PCSK7: variants seen among roughly 807,000 people sequenced by gnomAD.
PCSK7 encodes lymphoma proprotein convertase.
A neutral mutation model predicts 73.3 loss-of-function variants in PCSK7; 38 were observed. That is an observed-to-expected ratio of 0.52 (90% CI 0.40 to 0.68). The LOEUF (loss-of-function observed/expected upper bound fraction) is 0.68. Ranked by LOEUF, PCSK7 falls within the 30% of genes least tolerant of loss-of-function variation. The pLI is 0.00. For synonymous variants in PCSK7, 296 were observed against 383.8 expected (o/e 0.77, Z 2.68); for missense variants, 692 against 991.5 (o/e 0.70, Z 4.06).
intron 5 of PCSK7, chr11:117,226,269 G>C: frequency 2.0e-6 from 1 of 497,832 alleles, no homozygotes; most frequent in South Asian, 2.3e-5. Context: ...CGAAGTAGCT[G>C]GGACTACAGG....
intron 9 of PCSK7, chr11:117,222,658 T>G (rs1393515214): frequency 1.3e-5 from 2 of 151,986 alleles, no homozygotes; most frequent in Non-Finnish European, 2.9e-5. Context: ...GTTTCTTTTT[T>G]TTTTTTGAGA....
chr11:117,226,333 A>G (rs941493646), intron 5 of PCSK7: 5 of 345,408 alleles, frequency 1.4e-5, no homozygotes, highest in Non-Finnish European at 2.2e-5. Context: ...ATGGGGTTTC[A>G]CCATATTGGT....
chr11:117,215,804 T>G (rs1245628774), intron 12 of PCSK7: 2 of 151,350 alleles, frequency 1.3e-5, no homozygotes, highest in African/African-American at 4.8e-5. Flanking sequence ...GCCCCTGCCC[T>G]TGGCCTCCCA....
chr11:117,210,471 G>C (rs2031678899), intron 12 of PCSK7: 1 of 150,656 alleles, frequency 6.6e-6, no homozygotes, highest in Non-Finnish European at 1.5e-5. Context: ...CGATTCTCCT[G>C]CCTCAGCTTC....
At position 117,204,676 on chromosome 11, in the gene PCSK7, C is replaced by A; in HGVS notation, c.*1321G>T. Reference sequence around the variant, plus strand: ...CTGGATGTGGGCCAAGTCCACTGTCCTCCTTGGCGGCAAAAGCCCATTGAA... The same window carrying A: ...CTGGATGTGGGCCAAGTCCACTGTCATCCTTGGCGGCAAAAGCCCATTGAA... On this transcript the variant is annotated 3_prime_UTR_variant, in exon 17 of 17. Coordinates refer to ENST00000320934, the MANE Select transcript of PCSK7 (RefSeq NM_004716.4). 2.3e-6 allele frequency: 1 copy of A among 443,388 alleles called. No homozygotes were observed. The allele number at this position is 443,388 out of a possible 1,614,324, so 27.5% of individuals were successfully genotyped here. A position where few individuals can be genotyped will look rare whatever the true frequency, so the allele number is the denominator to read the frequency against.
At chr11:117,224,615 G>A in intron 7 of PCSK7, 86 bp downstream of exon 7, 1 of 1,080,308 alleles carries the variant, frequency 9.3e-7, no homozygotes. Context: ...AGGTGGAGTG[G>A]GAAGATGGGT....
intron 1 of PCSK7, among the ~76,000 whole-genome samples, chr11:117,230,760 T>C (rs1259696204): frequency 1.3e-5 from 2 of 152,180 alleles, no homozygotes; most frequent in African/African-American, 2.4e-5. Context: ...AATAACGTCC[T>C]AGAAGTCCAG....
intron 12 of PCSK7, chr11:117,212,623 G>A (rs2031782034): frequency 6.6e-6 from 1 of 151,866 alleles, no homozygotes; most frequent in Non-Finnish European, 1.5e-5. Context: ...ATGTTGGTCA[G>A]GCTGGTCTCG....
rs114049647 is a variant in PCSK7 at position 117,231,536 on chromosome 11, G to A, written c.-133+491C>T. Among the ~76,000 whole-genome samples, 1,039 of 152,292 alleles carry A rather than the reference G, an allele frequency of 6.8e-3. 22 individuals carry two copies. Among genetic ancestry groups the A allele is most frequent in the African/African-American group, 0.023 (959 of 41,566 alleles). The stretch of plus-strand genomic sequence containing the variant: ...TCAGTAGATCCCACCACAGATGTCA[G>A]GAAGAAAGAGAAGCAGGAGCTCCTT... On this transcript the variant is annotated intron_variant, in intron 1 of 16. Coordinates refer to ENST00000320934, the MANE Select transcript of PCSK7 (RefSeq NM_004716.4).
In PCSK7 at chr11:117,223,954, A is replaced by G. The variant is rs2032307506; in HGVS notation, c.1054+124T>C. The G allele has an allele frequency of 2.9e-6, 3 of 1,023,568 alleles. No homozygotes were observed. In the South Asian group the frequency reaches 4.3e-5, roughly 15 times the overall value. 63.4% of individuals were successfully genotyped at this position (1,023,568 alleles called of 1,614,324 possible). ...GTCCTCTGCAAGCAGGGCTAGTCCT[A>G]TCTGAGCCCAAAGAGATTATTGTGC... On this transcript the variant is annotated intron_variant, in intron 8 of 16. Transcript: ENST00000320934.
At chr11:117,224,030 AC>A (rs1448752957) in intron 8 of PCSK7, 47 bp downstream of exon 8, 1 of 1,594,870 alleles carries the variant, frequency 6.3e-7, no homozygotes, top group African/African-American at 1.3e-5. Context: ...TGATGCCCTA[AC>A]CCTTCGGTGA....
In PCSK7 at chr11:117,228,241, G is replaced by A; in HGVS notation, c.578C>T (p.Thr193Ile). The change falls in exon 4 of 17, where the codon ACC becomes ATC. Residue 193 changes from threonine (T) to isoleucine (I), a missense_variant. Around this residue, in one of 6 missense-constraint regions of PCSK7, gnomAD observed 574 missense variants for 689.8 expected, o/e 0.83. Transcript: ENST00000320934. ...VVVVDDGVEH[T>I]IQDIAPNYSP... ...ATAGTTGGGTGCAATGTCCTGGATG[G>A]TGTGTTCCACTCCGTCATCCACTAC... 1 of 1,613,362 alleles carries A rather than the reference G, an allele frequency of 6.2e-7. No individual in the cohort carries two copies. Among genetic ancestry groups the A allele is most frequent in the Non-Finnish European group, 8.5e-7 (1 of 1,179,626 alleles).
chr11:117,227,341 G>T lies in PCSK7; in HGVS notation c.604-19C>A. 1 of 1,604,908 alleles carries T rather than the reference G, an allele frequency of 6.2e-7. No homozygotes were observed. The highest frequency in any genetic ancestry group is 2.2e-5 in the East Asian group (1 of 44,844). On this transcript the variant is annotated intron_variant, in intron 4 of 16. Coordinates refer to ENST00000320934, the MANE Select transcript of PCSK7 (RefSeq NM_004716.4). ...CAGGGCTCTGAAATATTTTGGAGGT[G>T]ACATGTGGTCATTCACTGGTTAGAG... is the stretch of plus-strand genomic sequence containing the variant.
At chr11:117,213,020 GTTTC>G (rs1250452125) in intron 12 of PCSK7, 1 of 152,306 alleles carries the variant, frequency 6.6e-6, no homozygotes, top group African/African-American at 2.4e-5. Context: ...CTGGCCACCA[GTTTC>G]TTTGAGAAAC....
intron 12 of PCSK7, chr11:117,217,855 G>A: frequency 6.6e-6 from 1 of 152,234 alleles, no homozygotes; most frequent in Middle Eastern, 3.2e-3. Context: ...TCTAGGGAGG[G>A]CGTCCGCCTC....
Position 117,205,381 on chromosome 11 carries a change from G to C in PCSK7, c.*616C>G, listed in dbSNP as rs1426146507. On this transcript the variant is annotated 3_prime_UTR_variant, in exon 17 of 17. Coordinates refer to ENST00000320934, the MANE Select transcript of PCSK7 (RefSeq NM_004716.4). ...CCATCTGCTCTGCAGTCCTGCCGCA[G>C]GATTCCCTAGTGAAGCAGCTCAGGC... 1 of 233,462 alleles carries C rather than the reference G, an allele frequency of 4.3e-6. No homozygotes were observed. The highest frequency in any genetic ancestry group is 8.5e-6 in the Non-Finnish European group (1 of 117,994). 14.5% of individuals were successfully genotyped at this position (233,462 alleles called of 1,614,324 possible). A position where few individuals can be genotyped will look rare whatever the true frequency, so the allele number is the denominator to read the frequency against.
intron 12 of PCSK7, chr11:117,209,586 G>A (rs71466793): frequency 4.8e-4 from 75 of 156,258 alleles, no homozygotes; most frequent in Non-Finnish European, 8.2e-4. Context: ...GAACAAAGAC[G>A]AAATGCACAC....
chr11:117,229,331 C>T (rs2032550020), intron 3 of PCSK7, 46 bp downstream of exon 3: 1 of 1,441,588 alleles, frequency 6.9e-7, no homozygotes, highest in African/African-American at 1.4e-5. Flanking sequence ...AAGAACTGGA[C>T]TGGAACCTAC....
rs146625020 is a variant in PCSK7 at position 117,218,697 on chromosome 11, C to A, written c.1432-129G>T. On this transcript the variant is annotated intron_variant, in intron 11 of 16. Coordinates refer to ENST00000320934, the MANE Select transcript of PCSK7 (RefSeq NM_004716.4). This position sits in a 1 kb window ranked among gnomAD's most constrained non-coding sequence, Gnocchi z 4.0. ...CTGTCTTTATTTTTCCACTCCTCAT[C>A]ATCTTCCTTCAGCCCTCAGCTCCTG... 6.7e-4 allele frequency: 401 copies of A among 595,744 alleles called. 2 individuals carry two copies. The highest frequency in any genetic ancestry group is 5.7e-3 in the African/African-American group (306 of 53,752). 36.9% of individuals were successfully genotyped at this position (595,744 alleles called of 1,614,324 possible).
Sources: allele counts gnomAD v4.1 joint callset (sites outside exome capture counted in the v4.1 genomes callset), GRCh38; gene constraint gnomAD v4.1.1; regional missense constraint gnomAD v4.1.1; non-coding constraint Gnocchi (gnomAD v3.1); transcripts MANE v1.5; gene names NCBI Gene and HGNC (gene_info 2026-07-23, HGNC 2026-07-21).